SFXN4: variants seen among roughly 807,000 people sequenced by gnomAD.
SFXN4 encodes the protein sideroflexin-4.
A neutral mutation model predicts 54.6 loss-of-function variants in SFXN4; 48 were observed. That is an observed-to-expected ratio of 0.88 (90% CI 0.70 to 1.12). The LOEUF (loss-of-function observed/expected upper bound fraction) is 1.12. Among genes scored for constraint, SFXN4 ranks in the 50% most tolerant of loss-of-function variants. SFXN4 has a pLI of 0.00. For missense variants in SFXN4, 383 were observed against 409.2 expected (o/e 0.94, Z 0.55); for synonymous variants, 130 against 145.5 (o/e 0.89, Z 0.77).
chr10:119,163,032 G>A (rs549416288), intron 2 of SFXN4, among the ~76,000 whole-genome samples: 44 of 151,944 alleles, frequency 2.9e-4, no homozygotes, highest in Non-Finnish European at 4.4e-4. Flanking sequence ...TCTTATTCTC[G>A]AGAGATCCTC....
rs148648922 is a variant in SFXN4, at chr10:119,155,092, G to A, written c.702C>T (p.Val234=). The A allele has an allele frequency of 1.2e-6, 2 of 1,614,116 alleles. No individual in the cohort carries two copies. The highest frequency in any genetic ancestry group is 2.2e-5 in the South Asian group (2 of 91,078). The change falls in exon 11 of 14, where the codon GTC becomes GTT. Residue 234 remains valine (V), a synonymous_variant. Coordinates refer to ENST00000355697, the MANE Select transcript of SFXN4 (RefSeq NM_213649.2). ...GIAVMDKEGN[V]LGHSRIAGTK... Reference sequence around the variant, plus strand: ...TCCCAGCAATTCTGGAATGACCCAGGACATTGCCTTCCTTGTCCATGACCG... The same window carrying A: ...TCCCAGCAATTCTGGAATGACCCAGAACATTGCCTTCCTTGTCCATGACCG...
intron 13 of SFXN4, among the ~76,000 whole-genome samples, chr10:119,144,301 C>CA (rs1213933844): frequency 6.6e-6 from 1 of 151,844 alleles, no homozygotes; most frequent in Non-Finnish European, 1.5e-5. Context: ...CTAAAAAATA[C>CA]AAAAAATTAG....
intron 12 of SFXN4, among the ~76,000 whole-genome samples, chr10:119,146,866 C>T (rs1419691605): frequency 6.6e-6 from 1 of 152,166 alleles, no homozygotes; most frequent in African/African-American, 2.4e-5. Flanking sequence ...CCGCACCATC[C>T]CATCCCTCCT....
chr10:119,147,726 A>T (rs1564815833), intron 12 of SFXN4, 49 bp downstream of exon 12: 1 of 1,524,188 alleles, frequency 6.6e-7, no homozygotes, highest in Non-Finnish European at 9.1e-7. Context: ...AGGTTTTATA[A>T]GGATTTGACT....
intron 9 of SFXN4, among the ~76,000 whole-genome samples, chr10:119,157,026 A>C (rs1014813440): frequency 6.6e-6 from 1 of 152,214 alleles, no homozygotes; most frequent in Admixed American, 6.5e-5. Context: ...GGCTTGTCTG[A>C]TGCCAACATC....
rs1847231299 is a variant in SFXN4, at chr10:119,155,171, G to C, written c.623C>G (p.Ala208Gly). 6.2e-7 allele frequency: 1 copy of C among 1,610,824 alleles called. No homozygotes were observed. Among genetic ancestry groups the C allele is most frequent in the Non-Finnish European group, 8.5e-7 (1 of 1,177,084 alleles). The change falls in exon 11 of 14, where the codon GCC becomes GGC. Residue 208 changes from alanine to glycine, a missense_variant. Ala to Gly is a moderately conservative substitution (Grantham distance 60, BLOSUM62 0). Transcript: ENST00000355697. ...GGACATGTAGACATTCATTCCACTG[G>C]CTTGCACTGTAGATGTAAAGAAGTA... ...RLLPVIFLVQ[A>G]SGMNVYMSRS... is the part of the protein sequence containing the mutation.
intron 10 of SFXN4, among the ~76,000 whole-genome samples, 175 bp downstream of exon 10, chr10:119,156,503 T>C (rs565725862): frequency 2.0e-5 from 3 of 152,180 alleles, no homozygotes; most frequent in Admixed American, 6.5e-5. Context: ...CTACAGAAAG[T>C]GTCACCTCTC....
rs1336789526 is a variant in SFXN4 at position 119,155,127 on chromosome 10, T to C, written c.667A>G (p.Lys223Glu). Reference protein sequence around the residue: ...VYMSRSLESIKGIAVMDKEGN... With the variant: ...VYMSRSLESIEGIAVMDKEGN... ...TCCTTGTCCATGACCGCAATCCCCT[T>C]AATGGATTCAAGACTTCGGGACATG... The change falls in exon 11 of 14, where the codon AAG (lysine) becomes GAG (glutamate). Residue 223 changes from lysine to glutamate, a missense_variant. Transcript: ENST00000355697. The C allele has an allele frequency of 1.2e-6, 2 of 1,614,186 alleles. No individual in the cohort carries two copies. The highest frequency in any genetic ancestry group is 2.7e-5 in the African/African-American group (2 of 75,058).
At chr10:119,142,984 G>C (rs900052574) in intron 13 of SFXN4, among the ~76,000 whole-genome samples, 2 of 151,842 alleles carry the variant, frequency 1.3e-5, no homozygotes, top group African/African-American at 4.8e-5. Flanking sequence ...CGCCCGCCTC[G>C]GCCTCCCAAA....
At chr10:119,162,076 T>C (rs1261396292) in intron 3 of SFXN4, 5 of 511,524 alleles carry the variant, frequency 9.8e-6, no homozygotes, top group African/African-American at 5.9e-5. Flanking sequence ...ATATCCACTG[T>C]GTAGGAGGAA....
rs748512699 is a variant in SFXN4 at position 119,147,842 on chromosome 10, C to T, written c.751G>A (p.Ala251Thr). Residue 251 changes from alanine to threonine, a missense_variant, in exon 12 of 14, where the codon GCA becomes ACA. By Grantham distance (58) the Ala-to-Thr change is moderately conservative (BLOSUM62 0). Transcript: ENST00000355697. ...AGTKAVRETLASRIVLFGTSA... is the reference protein window; with the variant it reads ...AGTKAVRETLTSRIVLFGTSA... The stretch of plus-strand genomic sequence containing the variant: ...GTCCCAAACAGCACTATTCTGGATG[C>T]TAGCGTTTCTCTAACAGCCTAGCAA... 4 of 1,613,946 alleles carry T rather than the reference C, an allele frequency of 2.5e-6. No homozygotes were observed. Among genetic ancestry groups the T allele is most frequent in the African/African-American group, 2.7e-5 (2 of 74,916 alleles).
chr10:119,144,939 G>A (rs923597316), intron 13 of SFXN4, among the ~76,000 whole-genome samples: 12 of 152,046 alleles, frequency 7.9e-5, no homozygotes, highest in South Asian at 2.1e-4. Context: ...TGGAGAGGGC[G>A]TAGTTATAGA....
At chr10:119,153,085 T>C (rs1311244927) in intron 11 of SFXN4, among the ~76,000 whole-genome samples, 1 of 152,148 alleles carries the variant, frequency 6.6e-6, no homozygotes, top group Non-Finnish European at 1.5e-5. Context: ...CACGGCTGAA[T>C]GCACTCAGTA....
At chr10:119,157,754 TTAA>T (rs762507354) in intron 8 of SFXN4, 21 bp from the exon 9 acceptor site, 117 of 1,607,010 alleles carry the variant, frequency 7.3e-5, no homozygotes, top group Non-Finnish European at 9.6e-5. Context: ...ACAAAAGTAC[TTAA>T]TTAGCAAATA....
chr10:119,165,360 C>T (rs1847725688), intron 1 of SFXN4, 177 bp downstream of exon 1: 1 of 1,316,632 alleles, frequency 7.6e-7, no homozygotes, highest in African/African-American at 1.6e-5. Context: ...CCTGCGTCCC[C>T]TGCCGCGCCC....
chr10:119,165,663 G>A lies in SFXN4; in HGVS notation c.-16C>T, dbSNP rs764915639. 1.3e-6 allele frequency: 2 copies of A among 1,548,492 alleles called. No individual in the cohort carries two copies. Among genetic ancestry groups the A allele is most frequent in the East Asian group, 2.7e-5 (1 of 37,178 alleles). ...CCAGGGACATTTTGCGCTGGTTAGA[G>A]TGGCCGCCGCCGCCAGGCCGCGCGT... is the stretch of plus-strand genomic sequence containing the variant. On this transcript the variant is annotated 5_prime_UTR_variant, in exon 1 of 14. Transcript: ENST00000355697.
chr10:119,142,019 T>C (rs150604629), intron 13 of SFXN4, among the ~76,000 whole-genome samples: 1,700 of 152,018 alleles, frequency 0.011, 38 homozygotes, highest in African/African-American at 0.039. Flanking sequence ...CTGGGCAATA[T>C]AGTGGGACCC....
intron 11 of SFXN4, 89 bp from the exon 12 acceptor site, chr10:119,147,949 T>G (rs1846890407): frequency 4.2e-5 from 40 of 953,606 alleles, no homozygotes; most frequent in Non-Finnish European, 6.0e-5. Flanking sequence ...GGCGGGTAGA[T>G]CGCTTGAGGT....
At position 119,162,139 on chromosome 10, in the gene SFXN4, C is replaced by G; in HGVS notation, c.252+201G>C. On this transcript the variant is annotated intron_variant, in intron 3 of 13. Coordinates refer to ENST00000355697, the MANE Select transcript of SFXN4 (RefSeq NM_213649.2). ...TTCTAACTACATTTAAAAAACTAAC[C>G]CAGTTTTGCAAAGCTGGTCCTCTGG... is the stretch of plus-strand genomic sequence containing the variant. 5.5e-6 allele frequency: 3 copies of G among 548,890 alleles called. No homozygotes were observed. The South Asian group carries it at 7.5e-5, about 14-fold the overall frequency. The allele number at this position is 548,890 out of a possible 1,614,324, so 34.0% of individuals were successfully genotyped here. A position where few individuals can be genotyped will look rare whatever the true frequency, so the allele number is the denominator to read the frequency against.
Sources: allele counts gnomAD v4.1 joint callset (sites outside exome capture counted in the v4.1 genomes callset), GRCh38; gene constraint gnomAD v4.1.1; transcripts MANE v1.5; gene names NCBI Gene and HGNC (gene_info 2026-07-23, HGNC 2026-07-21).